NRXN3: variants seen among roughly 807,000 people sequenced by gnomAD.
NRXN3 encodes the protein neurexin III.
A neutral mutation model predicts 137.6 loss-of-function variants in NRXN3; 32 were observed. The ratio of observed to expected loss-of-function variants is 0.23; its 90% CI spans 0.18 to 0.31. The LOEUF (loss-of-function observed/expected upper bound fraction) is 0.31. Ranked by LOEUF, NRXN3 falls within the 10% of genes least tolerant of loss-of-function variation. NRXN3 has a pLI of 1.00. For missense variants in NRXN3, 1,574 were observed against 2,062.5 expected (o/e 0.76, Z 4.59); for synonymous variants, 798 against 784.5 (o/e 1.02, Z -0.29).
At chr14:79,252,902 C>T (rs187979900) in intron 15 of NRXN3, among the ~76,000 whole-genome samples, 4 of 152,236 alleles carry the variant, frequency 2.6e-5, no homozygotes. Context: ...AAGAGTTGCC[C>T]AGCCACATCC....
chr14:79,138,737 A>G (rs2058501374), intron 15 of NRXN3, among the ~76,000 whole-genome samples: 1 of 152,240 alleles, frequency 6.6e-6, no homozygotes, highest in East Asian at 1.9e-4. Flanking sequence ...CTGAAACATC[A>G]GGCTAAAAAT....
chr14:78,269,349 C>G (rs1296167223), intron 2 of NRXN3, among the ~76,000 whole-genome samples: 1 of 152,178 alleles, frequency 6.6e-6, no homozygotes, highest in Non-Finnish European at 1.5e-5. Context: ...CATAAAAAGA[C>G]AAACACTGTG....
intron 16 of NRXN3, among the ~76,000 whole-genome samples, chr14:79,574,040 A>G (rs1464857171): frequency 6.6e-6 from 1 of 151,820 alleles, no homozygotes; most frequent in Non-Finnish European, 1.5e-5. Context: ...ATTTCATATT[A>G]TATTAAGGAA....
intron 6 of NRXN3, among the ~76,000 whole-genome samples, chr14:78,695,975 T>A (rs886780070): frequency 6.6e-6 from 1 of 151,990 alleles, no homozygotes; most frequent in African/African-American, 2.4e-5. Flanking sequence ...TTTCATATAA[T>A]CTAAGGGGGA....
chr14:78,625,460 G>A (rs549743657), intron 4 of NRXN3, among the ~76,000 whole-genome samples: 1 of 152,136 alleles, frequency 6.6e-6, no homozygotes, highest in South Asian at 2.1e-4. Context: ...TTTAGCTTGT[G>A]ACTAATAGAA....
intron 17 of NRXN3, among the ~76,000 whole-genome samples, chr14:79,687,436 T>A (rs1414111419): frequency 6.6e-6 from 1 of 152,166 alleles, no homozygotes; most frequent in African/African-American, 2.4e-5. Flanking sequence ...CAATAACCTC[T>A]AAACTGCCCT....
chr14:79,581,901 C>G (rs569888284), intron 16 of NRXN3, among the ~76,000 whole-genome samples: 1 of 152,144 alleles, frequency 6.6e-6, no homozygotes, highest in Non-Finnish European at 1.5e-5. Flanking sequence ...ATCTGATCCC[C>G]AAAGCACCCC....
At chr14:79,773,630 G>C (rs2099086852) in intron 19 of NRXN3, among the ~76,000 whole-genome samples, 1 of 115,926 alleles carries the variant, frequency 8.6e-6, no homozygotes. Flanking sequence ...GACTGTTTTG[G>C]GGTGGGGGGA....
At chr14:79,397,084 G>A (rs2095048295) in intron 15 of NRXN3, among the ~76,000 whole-genome samples, 1 of 152,208 alleles carries the variant, frequency 6.6e-6, no homozygotes, top group African/African-American at 2.4e-5. Flanking sequence ...TATTGGGACA[G>A]AGCATAATTT....
At chr14:78,583,977 A>G (rs1471326838) in intron 4 of NRXN3, among the ~76,000 whole-genome samples, 1 of 152,146 alleles carries the variant, frequency 6.6e-6, no homozygotes, top group Non-Finnish European at 1.5e-5. Flanking sequence ...TCATGCATTT[A>G]CTTATCCAGT....
chr14:78,384,889 A>C (rs1333443472), intron 4 of NRXN3, among the ~76,000 whole-genome samples: 1 of 152,174 alleles, frequency 6.6e-6, no homozygotes, highest in Non-Finnish European at 1.5e-5. Context: ...CCCACTCTAG[A>C]CTTTAAGACG....
chr14:79,798,092 C>T (rs892083336), intron 19 of NRXN3, among the ~76,000 whole-genome samples: 1 of 150,706 alleles, frequency 6.6e-6, no homozygotes, highest in African/African-American at 2.4e-5. Context: ...CTGAGAGAGA[C>T]CCTGTCTCAA....
At chr14:79,845,757 A>C (rs1198154492) in intron 20 of NRXN3, among the ~76,000 whole-genome samples, 5 of 92,848 alleles carry the variant, frequency 5.4e-5, no homozygotes, top group Admixed American at 1.1e-4. Context: ...ACGGGGAGAG[A>C]GAGGGAGACG....
intron 19 of NRXN3, among the ~76,000 whole-genome samples, chr14:79,748,135 A>G (rs1305353748): frequency 1.3e-5 from 2 of 152,016 alleles, no homozygotes; most frequent in Non-Finnish European, 2.9e-5. Flanking sequence ...ACAAATCACC[A>G]TGGCACTTGT....
intron 4 of NRXN3, among the ~76,000 whole-genome samples, chr14:78,302,599 C>G (rs2076983176): frequency 6.6e-6 from 1 of 152,180 alleles, no homozygotes; most frequent in Non-Finnish European, 1.5e-5. Flanking sequence ...AGCCTACCAC[C>G]TTGCATTCTC....
chr14:79,684,579 T>C (rs913882669), intron 17 of NRXN3, among the ~76,000 whole-genome samples: 1 of 152,168 alleles, frequency 6.6e-6, no homozygotes, highest in Non-Finnish European at 1.5e-5. Context: ...TCGGAGATAT[T>C]AATAATAGCA....
intron 4 of NRXN3, among the ~76,000 whole-genome samples, chr14:78,374,741 GC>G (rs1228727506): frequency 7.0e-6 from 1 of 142,728 alleles, no homozygotes; most frequent in African/African-American, 2.6e-5. Flanking sequence ...CTGTACTGCA[GC>G]CTGGGGACAG....
At chr14:79,795,998 C>T (rs1394951059) in intron 19 of NRXN3, among the ~76,000 whole-genome samples, 1 of 152,082 alleles carries the variant, frequency 6.6e-6, no homozygotes, top group African/African-American at 2.4e-5. Context: ...TTAAATTTCC[C>T]TTATAATGGT....
chr14:78,656,807 G>A (rs561875074), intron 6 of NRXN3, among the ~76,000 whole-genome samples: 1 of 152,098 alleles, frequency 6.6e-6, no homozygotes, highest in African/African-American at 2.4e-5. Flanking sequence ...ACTTTGGGAG[G>A]CCAAGGTGGG....
Sources: gnomAD v4.1 joint callset for allele counts (sites outside exome capture counted in the v4.1 genomes callset) on GRCh38, gnomAD v4.1.1 for gene constraint, MANE v1.5 for transcripts, NCBI Gene and HGNC (gene_info 2026-07-23, HGNC 2026-07-21) for gene names.